The following ROBO2 variants were observed in gnomAD, a reference collection of about 807,000 sequenced individuals.
The protein encoded by ROBO2 is roundabout guidance receptor 2.
A neutral mutation model predicts 160.8 loss-of-function variants in ROBO2; 53 were observed. That is an observed-to-expected ratio of 0.33 (90% CI 0.26 to 0.41). The LOEUF is 0.41. Ranked by LOEUF, ROBO2 falls within the 10% of genes least tolerant of loss-of-function variation. The pLI, the probability that ROBO2 is intolerant of heterozygous loss-of-function variation, is 1.00. For missense variants in ROBO2, 1,577 were observed against 1,722.4 expected (o/e 0.92, Z 1.49); for synonymous variants, 664 against 611.7 (o/e 1.09, Z -1.26).
At chr3:75,948,762 A>G (rs1948424797) in intron 2 of ROBO2, among the ~76,000 whole-genome samples, 1 of 152,152 alleles carries the variant, frequency 6.6e-6, no homozygotes, top group Non-Finnish European at 1.5e-5. Flanking sequence ...ATGTTCTTCT[A>G]TCTTTAATAT....
chr3:76,565,323 A>G (rs1327421906), intron 2 of ROBO2, among the ~76,000 whole-genome samples: 1 of 152,260 alleles, frequency 6.6e-6, no homozygotes, highest in Non-Finnish European at 1.5e-5. Flanking sequence ...CAATAGAAAT[A>G]GCATAATGTG....
chr3:76,306,688 A>G (rs2071352361), intron 2 of ROBO2, among the ~76,000 whole-genome samples: 1 of 152,222 alleles, frequency 6.6e-6, no homozygotes, highest in Admixed American at 6.5e-5. Flanking sequence ...TTAAGGATAT[A>G]AGCATTTTGA....
chr3:77,549,139 G>A, intron 7 of ROBO2, among the ~76,000 whole-genome samples: 1 of 151,850 alleles, frequency 6.6e-6, no homozygotes, highest in East Asian at 2.0e-4. Flanking sequence ...CCTATGTCAT[G>A]CAAGCAGAGA....
intron 2 of ROBO2, among the ~76,000 whole-genome samples, chr3:76,177,121 TCTCA>T (rs2073260393): frequency 6.6e-6 from 1 of 152,278 alleles, no homozygotes; most frequent in East Asian, 1.9e-4. Flanking sequence ...TTCTCGTTAT[TCTCA>T]CTCATTGCCA....
chr3:76,094,129 C>T (rs1013568422), intron 2 of ROBO2, among the ~76,000 whole-genome samples: 1 of 151,008 alleles, frequency 6.6e-6, no homozygotes, highest in Admixed American at 6.6e-5. Flanking sequence ...AGTGCACACT[C>T]GCACTCACAC....
chr3:76,996,082 T>G (rs6795549), intron 2 of ROBO2, among the ~76,000 whole-genome samples: 81,085 of 151,964 alleles, frequency 0.53, 22,588 homozygotes, highest in East Asian at 0.81. Flanking sequence ...TTTATGGTTT[T>G]AGGTCTAACA....
chr3:76,676,103 A>C (rs564917880), intron 2 of ROBO2, among the ~76,000 whole-genome samples: 1 of 152,278 alleles, frequency 6.6e-6, no homozygotes, highest in East Asian at 1.9e-4. Context: ...TTATTGAATA[A>C]AAATAAAACA....
rs377355008 is a variant in ROBO2, at chr3:76,015,173, G to T, written c.109+77571G>T. Among the ~76,000 whole-genome samples, 7 of 152,184 alleles carry T rather than the reference G, an allele frequency of 4.6e-5. No homozygotes were observed. The East Asian group carries it at 9.7e-4, about 21-fold the overall frequency. On this transcript the variant is annotated intron_variant, in intron 2 of 26. Transcript: ENST00000487694. ...CTTAACTGTTTTACAGTTATTTTCA[G>T]ATTTACATTTTCTGTGGTTACCAAA...
At chr3:76,185,215 T>TATATACAC in intron 2 of ROBO2, among the ~76,000 whole-genome samples, 1,032 of 90,298 alleles carry the variant, frequency 0.011, 48 homozygotes, top group African/African-American at 0.036. Context: ...TATATATATA[T>TATATACAC]ACACACACAA....
intron 2 of ROBO2, among the ~76,000 whole-genome samples, chr3:76,201,622 C>T (rs1702533026): frequency 6.6e-6 from 1 of 152,076 alleles, no homozygotes; most frequent in South Asian, 2.1e-4. Context: ...TATAGCTCTT[C>T]CCCATCTGTT....
At chr3:76,062,799 C>T (rs1443748940) in intron 2 of ROBO2, among the ~76,000 whole-genome samples, 1 of 152,050 alleles carries the variant, frequency 6.6e-6, no homozygotes, top group Non-Finnish European at 1.5e-5. Context: ...TTGTTTTTCC[C>T]CCAGATAATG....
intron 2 of ROBO2, among the ~76,000 whole-genome samples, chr3:76,444,282 A>C (rs1456458532): frequency 6.6e-6 from 1 of 152,044 alleles, no homozygotes; most frequent in Non-Finnish European, 1.5e-5. Flanking sequence ...CTGTCCTAAA[A>C]ATTATTTTAA....
chr3:76,860,172 G>A (rs924250335), intron 2 of ROBO2, among the ~76,000 whole-genome samples: 7 of 152,060 alleles, frequency 4.6e-5, no homozygotes, highest in Middle Eastern at 3.2e-3. Context: ...AAGGATGTTG[G>A]GTAGATGTGG....
chr3:76,638,883 A>G (rs766588211), intron 2 of ROBO2, among the ~76,000 whole-genome samples: 26 of 152,180 alleles, frequency 1.7e-4, no homozygotes, highest in Middle Eastern at 3.2e-3. Flanking sequence ...TTTAGACTTG[A>G]AAGTAGACGA....
chr3:76,978,222 G>T (rs1488379804), intron 2 of ROBO2, among the ~76,000 whole-genome samples: 5 of 152,134 alleles, frequency 3.3e-5, no homozygotes, highest in Admixed American at 3.3e-4. Flanking sequence ...TCAAGGCTCT[G>T]ATTTACACTT....
intron 2 of ROBO2, among the ~76,000 whole-genome samples, chr3:76,782,207 C>T (rs1444557983): frequency 6.6e-6 from 1 of 150,686 alleles, no homozygotes; most frequent in East Asian, 2.0e-4. Context: ...TGATTTTCTT[C>T]CTAGTATTGA....
At chr3:76,889,996 C>A (rs1445015374) in intron 2 of ROBO2, among the ~76,000 whole-genome samples, 2 of 152,072 alleles carry the variant, frequency 1.3e-5, no homozygotes, top group African/African-American at 2.4e-5. Flanking sequence ...AGAGAGGGAA[C>A]TTTGAAGCAA....
intron 2 of ROBO2, among the ~76,000 whole-genome samples, chr3:76,214,835 T>C (rs1703395985): frequency 6.6e-6 from 1 of 152,218 alleles, no homozygotes; most frequent in Admixed American, 6.5e-5. Context: ...AGCACGCAGC[T>C]GGAGATCTGA....
At chr3:77,505,475 T>A (rs2088353778) in intron 5 of ROBO2, among the ~76,000 whole-genome samples, 1 of 152,142 alleles carries the variant, frequency 6.6e-6, no homozygotes, top group African/African-American at 2.4e-5. Flanking sequence ...AAGGTATTAT[T>A]CAGTCTCATC....
Sources: gnomAD v4.1 joint callset for allele counts (sites outside exome capture counted in the v4.1 genomes callset) on GRCh38, gnomAD v4.1.1 for gene constraint, MANE v1.5 for transcripts, NCBI Gene and HGNC (gene_info 2026-07-23, HGNC 2026-07-21) for gene names.